The following SND1 variants were observed in gnomAD, a reference collection of about 807,000 sequenced individuals.
SND1 encodes staphylococcal nuclease domain-containing protein 1.
A neutral mutation model predicts 121.7 loss-of-function variants in SND1; 38 were observed. That is an observed-to-expected ratio of 0.31 (90% confidence interval 0.24 to 0.41). The LOEUF (loss-of-function observed/expected upper bound fraction) is 0.41, where lower values mean the gene tolerates loss of function less well. SND1 is among the 10% of genes least tolerant of loss of function. SND1 has a pLI of 1.00. For synonymous variants in SND1, 401 were observed against 447.4 expected (o/e 0.90, Z 1.31); for missense variants, 868 against 1,184.6 (o/e 0.73, Z 3.92).
chr7:128,071,406 A>G (rs1386237404), intron 16 of SND1, among the ~76,000 whole-genome samples: 1 of 152,256 alleles, frequency 6.6e-6, no homozygotes, highest in East Asian at 1.9e-4. Context: ...ACCATAAATA[A>G]CAAAATTGAA....
intron 12 of SND1, among the ~76,000 whole-genome samples, chr7:127,845,016 A>G (rs979650817): frequency 5.3e-5 from 8 of 152,366 alleles, no homozygotes; most frequent in East Asian, 1.9e-4. Flanking sequence ...CCAGTCCCCA[A>G]TAGCAATTCT....
At chr7:127,927,497 G>A (rs991087358) in intron 14 of SND1, among the ~76,000 whole-genome samples, 4 of 152,204 alleles carry the variant, frequency 2.6e-5, no homozygotes, top group Admixed American at 2.0e-4. Context: ...CTGGACTTCA[G>A]CCAGCTGCCA....
chr7:127,980,559 C>T (rs1358446845), intron 15 of SND1, among the ~76,000 whole-genome samples: 1 of 152,068 alleles, frequency 6.6e-6, no homozygotes, highest in African/African-American at 2.4e-5. Flanking sequence ...CCTCATCCTA[C>T]TGTAGGCTAA....
At chr7:127,775,012 A>C (rs1439235772) in intron 10 of SND1, among the ~76,000 whole-genome samples, 1 of 152,236 alleles carries the variant, frequency 6.6e-6, no homozygotes, top group African/African-American at 2.4e-5. Flanking sequence ...AGATGCGATC[A>C]TGCTGGCTTA....
Position 127,703,154 on chromosome 7 carries a change from C to G in SND1, c.682-11C>G, listed in dbSNP as rs762122605. 6.3e-5 allele frequency: 102 copies of G among 1,613,950 alleles called. No homozygotes were observed. Among genetic ancestry groups the G allele is most frequent in the Non-Finnish European group, 8.2e-5 (97 of 1,179,960 alleles). ...AGGCTGCATTACTCACCTACCTTGC[C>G]TTTGCTTTAGTGCCCAACTTTTCGA... On this transcript the variant is annotated splice_polypyrimidine_tract_variant and intron_variant, in intron 6 of 23. Coordinates refer to ENST00000354725, the MANE Select transcript of SND1 (RefSeq NM_014390.4).
At chr7:127,807,188 T>G (rs1798252755) in intron 10 of SND1, among the ~76,000 whole-genome samples, 1 of 152,222 alleles carries the variant, frequency 6.6e-6, no homozygotes, top group South Asian at 2.1e-4. Flanking sequence ...TAATTGAGCT[T>G]CTTCTGTAAT....
chr7:127,677,092 A>C (rs1225894331), intron 1 of SND1, among the ~76,000 whole-genome samples: 1 of 152,102 alleles, frequency 6.6e-6, no homozygotes, highest in Non-Finnish European at 1.5e-5. Flanking sequence ...TTTCTATTGT[A>C]CATACTCTTC....
chr7:127,876,922 T>A (rs1324653629), intron 12 of SND1, among the ~76,000 whole-genome samples: 1 of 152,172 alleles, frequency 6.6e-6, no homozygotes, highest in Non-Finnish European at 1.5e-5. Flanking sequence ...GTTTTTCTTC[T>A]CTCATTGTGA....
chr7:127,929,132 A>G, intron 14 of SND1, 56 bp from the exon 15 acceptor site: 1 of 1,583,538 alleles, frequency 6.3e-7, no homozygotes, highest in Admixed American at 1.7e-5. Context: ...ACTATAAAGA[A>G]AGAAACGTTG....
intron 13 of SND1, among the ~76,000 whole-genome samples, chr7:127,893,720 A>G (rs1025176808): frequency 6.6e-6 from 1 of 151,988 alleles, no homozygotes; most frequent in African/African-American, 2.4e-5. Context: ...TGTGTATTCT[A>G]TTTCTTGCCT....
At chr7:127,685,753 G>T (rs1795801257) in intron 1 of SND1, among the ~76,000 whole-genome samples, 1 of 152,166 alleles carries the variant, frequency 6.6e-6, no homozygotes, top group Admixed American at 6.5e-5. Flanking sequence ...ATCATGTAGG[G>T]CATGGGTTTT....
intron 1 of SND1, among the ~76,000 whole-genome samples, chr7:127,664,811 G>T (rs189513681): frequency 2.6e-5 from 4 of 152,280 alleles, no homozygotes; most frequent in African/African-American, 9.6e-5. Context: ...GAATTGAATT[G>T]TAGAACACCC....
At chr7:128,009,628 G>A (rs1029909784) in intron 16 of SND1, among the ~76,000 whole-genome samples, 9 of 152,118 alleles carry the variant, frequency 5.9e-5, no homozygotes, top group Admixed American at 3.9e-4. Flanking sequence ...TAGCCACATG[G>A]GGCTAGTGGC....
intron 16 of SND1, among the ~76,000 whole-genome samples, chr7:128,016,849 G>C (rs1483909560): frequency 1.3e-5 from 2 of 152,056 alleles, no homozygotes; most frequent in African/African-American, 4.8e-5. Context: ...TTATTTTCTT[G>C]TGTCTGACCA....
chr7:127,816,564 A>T (rs1043208916), intron 11 of SND1, among the ~76,000 whole-genome samples: 2 of 151,992 alleles, frequency 1.3e-5, no homozygotes, highest in Non-Finnish European at 2.9e-5. Flanking sequence ...TTTAGAACTC[A>T]GTCCCTGAAG....
At chr7:127,827,846 T>C (rs17663644) in intron 11 of SND1, among the ~76,000 whole-genome samples, 9,889 of 152,238 alleles carry the variant, frequency 0.065, 416 homozygotes, top group Middle Eastern at 0.2. Flanking sequence ...TAGTATATTA[T>C]GCACCTATTT....
intron 10 of SND1, among the ~76,000 whole-genome samples, chr7:127,796,241 G>A (rs558788625): frequency 3.3e-5 from 5 of 151,856 alleles, no homozygotes; most frequent in Admixed American, 1.3e-4. Flanking sequence ...TAGTATAAGC[G>A]CCTTCATTCT....
In SND1 at chr7:128,092,394, C is replaced by CCTG; in HGVS notation, c.*336_*337insCTG. The CCTG allele has an allele frequency of 3.3e-6, 1 of 305,936 alleles. No homozygotes were observed. Among genetic ancestry groups the CCTG allele is most frequent in the South Asian group, 7.6e-5 (1 of 13,146 alleles). The allele number at this position is 305,936 out of a possible 1,614,324, so 19.0% of individuals were successfully genotyped here. On this transcript the variant is annotated 3_prime_UTR_variant, in exon 24 of 24. Transcript: ENST00000354725. This position sits in a 1 kb window ranked among gnomAD's most constrained non-coding sequence, Gnocchi z 4.9. ...CTATGTCCTAGTGGAGGGAGTAATCCTAACACCCAGGCTGGCCGCCAGCTG... is the reference window on the plus strand; with the variant it reads ...CTATGTCCTAGTGGAGGGAGTAATCCCTGTAACACCCAGGCTGGCCGCCAGCTG...
At chr7:127,677,310 A>G (rs1795633168) in intron 1 of SND1, among the ~76,000 whole-genome samples, 1 of 152,242 alleles carries the variant, frequency 6.6e-6, no homozygotes, top group Non-Finnish European at 1.5e-5. Context: ...TATTTTATAA[A>G]TGATGAAATG....
Sources: allele counts gnomAD v4.1 joint callset (sites outside exome capture counted in the v4.1 genomes callset), GRCh38; gene constraint gnomAD v4.1.1; non-coding constraint Gnocchi (gnomAD v3.1); transcripts MANE v1.5; gene names NCBI Gene and HGNC (gene_info 2026-07-23, HGNC 2026-07-21).